Variants in ZNF423 observed in about 807,000 individuals in gnomAD.
ZNF423 encodes the protein zinc finger protein 423, also known as Ebf-associated zinc finger protein.
In ZNF423, 12 loss-of-function variants were observed where a neutral mutation model predicts 95.8. The observed-to-expected ratio is 0.13, with a 90% confidence interval of 0.08 to 0.20. The LOEUF is 0.20. Among genes scored for constraint, ZNF423 ranks in the 10% least tolerant of loss-of-function variants. The pLI, the probability that ZNF423 is intolerant of heterozygous loss-of-function variation, is 1.00. For missense variants in ZNF423, 1,316 were observed against 1,737.1 expected (o/e 0.76, Z 4.31); for synonymous variants, 749 against 711.9 (o/e 1.05, Z -0.83).
chr16:49,554,302 A>C (rs1451551433), intron 5 of ZNF423, among the ~76,000 whole-genome samples: 1 of 152,144 alleles, frequency 6.6e-6, no homozygotes, highest in Non-Finnish European at 1.5e-5. Flanking sequence ...GAGCAAGTGC[A>C]CTAAGAATGA....
intron 1 of ZNF423, among the ~76,000 whole-genome samples, chr16:49,832,168 C>T (rs2035067769): frequency 6.6e-6 from 1 of 152,152 alleles, no homozygotes; most frequent in Non-Finnish European, 1.5e-5. Flanking sequence ...AATCCAACTC[C>T]AGCCCTGAAG....
intron 5 of ZNF423, among the ~76,000 whole-genome samples, chr16:49,552,460 C>CA (rs1969677568): frequency 6.6e-6 from 1 of 152,308 alleles, no homozygotes; most frequent in South Asian, 2.1e-4. Flanking sequence ...GCAGCCCCTG[C>CA]AGCTGTCCCC....
At chr16:49,812,827 C>T (rs1052963494) in intron 1 of ZNF423, among the ~76,000 whole-genome samples, 6 of 152,108 alleles carry the variant, frequency 3.9e-5, no homozygotes, top group African/African-American at 1.2e-4. Flanking sequence ...GATAAATACA[C>T]GAATTTTCAT....
intron 7 of ZNF423, chr16:49,517,734 C>T (rs1256311586): frequency 3.7e-6 from 1 of 271,576 alleles, no homozygotes; most frequent in Non-Finnish European, 7.2e-6. Flanking sequence ...TGGTAATATC[C>T]TTTCTCCACC....
At chr16:49,543,680 G>A (rs1969337721) in intron 5 of ZNF423, among the ~76,000 whole-genome samples, 3 of 152,202 alleles carry the variant, frequency 2.0e-5, no homozygotes, top group African/African-American at 4.8e-5. Flanking sequence ...CAGCTTCCCC[G>A]CCAAGGACAG....
chr16:49,626,101 TG>T, intron 5 of ZNF423, 68 bp downstream of exon 5: 1 of 1,485,882 alleles, frequency 6.7e-7, no homozygotes, highest in South Asian at 1.1e-5. Context: ...AGTAAAATGA[TG>T]ATTGGAACCG....
At chr16:49,707,627 A>C (rs1178669011) in intron 3 of ZNF423, among the ~76,000 whole-genome samples, 1 of 151,830 alleles carries the variant, frequency 6.6e-6, no homozygotes, top group South Asian at 2.1e-4. Context: ...AAAAAAAAAA[A>C]AAAACAAAGA....
At chr16:49,849,928 C>T (rs890921453) in intron 1 of ZNF423, among the ~76,000 whole-genome samples, 2 of 152,152 alleles carry the variant, frequency 1.3e-5, no homozygotes, top group Admixed American at 6.5e-5. Flanking sequence ...GCTGACAATA[C>T]AATAGCTTTC....
chr16:49,563,503 T>C (rs556758466), intron 5 of ZNF423, among the ~76,000 whole-genome samples: 49 of 152,326 alleles, frequency 3.2e-4, no homozygotes, highest in African/African-American at 1.1e-3. Context: ...AGACAAACGA[T>C]ATCTCACTTA....
chr16:49,701,616 TTTCAA>T (rs2032186319), intron 3 of ZNF423, among the ~76,000 whole-genome samples: 1 of 152,060 alleles, frequency 6.6e-6, no homozygotes, highest in Non-Finnish European at 1.5e-5. Flanking sequence ...GCAGAGGTGT[TTTCAA>T]TTACCAAAAA....
At chr16:49,820,057 GATGGATGGATGGATGC>G (rs1280605918) in intron 1 of ZNF423, among the ~76,000 whole-genome samples, 189 of 152,078 alleles carry the variant, frequency 1.2e-3, no homozygotes, top group African/African-American at 4.4e-3. Flanking sequence ...TGGATGGATG[GATGGATGGATGGATGC>G]ATGGATGGAT....
At chr16:49,557,365 G>A (rs1300113210) in intron 5 of ZNF423, among the ~76,000 whole-genome samples, 3 of 152,196 alleles carry the variant, frequency 2.0e-5, no homozygotes, top group Non-Finnish European at 4.4e-5. Context: ...TGGCTGTCTT[G>A]GCTGAACAAA....
intron 3 of ZNF423, among the ~76,000 whole-genome samples, chr16:49,726,460 C>T (rs1365415357): frequency 6.6e-6 from 1 of 152,116 alleles, no homozygotes; most frequent in Non-Finnish European, 1.5e-5. Flanking sequence ...CAGTCCAAGT[C>T]CTCCTGGCTC....
intron 3 of ZNF423, among the ~76,000 whole-genome samples, chr16:49,646,558 ATTTTC>A: frequency 7.8e-6 from 1 of 128,904 alleles, no homozygotes; most frequent in South Asian, 2.4e-4. Flanking sequence ...TTTATGGCAC[ATTTTC>A]TTTTCTTTTT....
At chr16:49,648,134 G>A (rs1032129461) in intron 3 of ZNF423, among the ~76,000 whole-genome samples, 1 of 152,148 alleles carries the variant, frequency 6.6e-6, no homozygotes, top group African/African-American at 2.4e-5. Context: ...AGAGAAATAT[G>A]GATATTAATA....
intron 7 of ZNF423, among the ~76,000 whole-genome samples, chr16:49,511,278 AC>A (rs1390134617): frequency 6.6e-6 from 1 of 151,650 alleles, no homozygotes; most frequent in Non-Finnish European, 1.5e-5. Context: ...CCTCCATGTC[AC>A]CCTCTAGAAC....
chr16:49,625,127 C>T (rs903131177), intron 5 of ZNF423, among the ~76,000 whole-genome samples: 1 of 152,180 alleles, frequency 6.6e-6, no homozygotes, highest in African/African-American at 2.4e-5. Flanking sequence ...GCCTATAATC[C>T]CAGCACTTTG....
intron 3 of ZNF423, among the ~76,000 whole-genome samples, chr16:49,715,271 G>A (rs1005407504): frequency 9.8e-5 from 15 of 152,300 alleles, no homozygotes; most frequent in Admixed American, 1.3e-4. Context: ...GAAGGGAGCC[G>A]CTGCTGCAGG....
Position 49,710,639 on chromosome 16 carries a change from A to G in ZNF423, c.301+20132T>C, listed in dbSNP as rs2032514725. On this transcript the variant is annotated intron_variant, in intron 3 of 7. Transcript: ENST00000563137. ...AGAGCAGCCGGGTGCCACTGGAATG[A>G]CAGGTGGCTCTTAATGGTGGGAAAA... 3.9e-5 allele frequency among the ~76,000 whole-genome samples: 6 copies of G among 152,270 alleles called. 1 individual carries two copies. The South Asian group carries it at 1.0e-3, about 26-fold the overall frequency.
Sources: allele counts gnomAD v4.1 joint callset (sites outside exome capture counted in the v4.1 genomes callset), GRCh38; gene constraint gnomAD v4.1.1; transcripts MANE v1.5; gene names NCBI Gene and HGNC (gene_info 2026-07-23, HGNC 2026-07-21).